The following SHC4 variants were observed in gnomAD, a reference collection of about 807,000 sequenced individuals.
SHC4 encodes the protein SHC-transforming protein 4.
Under a neutral mutation model 69.4 loss-of-function variants are expected in SHC4, and 41 were observed. The ratio of observed to expected loss-of-function variants is 0.59; its 90% CI spans 0.46 to 0.77. The LOEUF (loss-of-function observed/expected upper bound fraction) is 0.77. SHC4 is among the 30% of genes least tolerant of loss of function. The pLI is 0.00. For missense variants in SHC4, 777 were observed against 783.8 expected (o/e 0.99, Z 0.10); for synonymous variants, 318 against 299.3 (o/e 1.06, Z -0.64).
intron 1 of SHC4, among the ~76,000 whole-genome samples, chr15:48,949,441 A>G (rs1901330994): frequency 6.6e-6 from 1 of 151,162 alleles, no homozygotes; most frequent in South Asian, 2.1e-4. Context: ...TTCTTCCACG[A>G]TCTCTCTATC....
At position 48,864,436 on chromosome 15, in the gene SHC4, C is replaced by CTT. The variant is rs35549079; in HGVS notation, c.946+3380_946+3381dup. 1.2e-3 allele frequency among the ~76,000 whole-genome samples: 68 copies of CTT among 55,062 alleles called. 7 individuals are homozygous for CTT. Among genetic ancestry groups the CTT allele is most frequent in the African/African-American group, 2.2e-3 (32 of 14,246 alleles). The allele number at this position is 55,062 out of a possible 152,430, so 36.1% of individuals were successfully genotyped here. Reference sequence around the variant, plus strand: ...TGCTTTCCAATACCAATACCACTTTCTTTTTTTTTTTTTTTTTTTTTTTTT... The same window carrying CTT: ...TGCTTTCCAATACCAATACCACTTTCTTTTTTTTTTTTTTTTTTTTTTTTTTT... On this transcript the variant is annotated intron_variant, in intron 6 of 11. Transcript: ENST00000332408.
intron 1 of SHC4, among the ~76,000 whole-genome samples, chr15:48,932,230 G>T (rs149329615): frequency 6.6e-6 from 1 of 152,182 alleles, no homozygotes; most frequent in African/African-American, 2.4e-5. Flanking sequence ...CATCCTTAAA[G>T]CAGAGCTTCC....
Position 48,962,474 on chromosome 15 carries a change from A to C in SHC4, c.542T>G (p.Phe181Cys). 1 of 1,532,962 alleles carries C rather than the reference A, an allele frequency of 6.5e-7. No individual in the cohort carries two copies. The highest frequency in any genetic ancestry group is 8.8e-7 in the Non-Finnish European group (1 of 1,142,016). 95.0% of individuals were successfully genotyped at this position (1,532,962 alleles called of 1,614,324 possible). ...GCCCATCCCCAACAGGTGCTGTAGA[A>C]AGTGCCTGTCCTGCCTGCTCCTAAG... ...PTLRSRQDRHFLQHLLGMGMN... is the reference protein window; with the variant it reads ...PTLRSRQDRHCLQHLLGMGMN... Residue 181 changes from phenylalanine to cysteine, a missense_variant, in exon 1 of 12, where the codon TTT (phenylalanine) becomes TGT (cysteine). Transcript: ENST00000332408.
Position 48,901,559 on chromosome 15 carries a change from G to A in SHC4, c.657-10748C>T, listed in dbSNP as rs8028131. Among the ~76,000 whole-genome samples, 96 of 152,304 alleles carry A rather than the reference G, an allele frequency of 6.3e-4. 1 individual carries two copies. The highest frequency in any genetic ancestry group is 2.3e-3 in the African/African-American group (95 of 41,566). ...TTAATTATCATCTAACCTTCATTAA[G>A]TGATACTATGTACATGAAACAGTGC... On this transcript the variant is annotated intron_variant, in intron 2 of 11. Coordinates refer to ENST00000332408, the MANE Select transcript of SHC4 (RefSeq NM_203349.4).
chr15:48,824,679 C>T lies in SHC4; in HGVS notation c.*1292G>A, dbSNP rs1316972006. 2 of 152,162 alleles carry T rather than the reference C, an allele frequency of 1.3e-5. No homozygotes were observed. Among genetic ancestry groups the T allele is most frequent in the Non-Finnish European group, 1.5e-5 (1 of 68,004 alleles). The allele number at this position is 152,162 out of a possible 1,614,324, so 9.4% of individuals were successfully genotyped here. The stretch of plus-strand genomic sequence containing the variant: ...ACTGGTTATCAATAACGACCTCTAA[C>T]AAATGAAAAACTTGCTTTTTAGAGA... On this transcript the variant is annotated 3_prime_UTR_variant, in exon 12 of 12. Coordinates refer to ENST00000332408, the MANE Select transcript of SHC4 (RefSeq NM_203349.4).
intron 1 of SHC4, among the ~76,000 whole-genome samples, chr15:48,930,470 A>T (rs1352183657): frequency 6.6e-6 from 1 of 152,164 alleles, no homozygotes; most frequent in Non-Finnish European, 1.5e-5. Flanking sequence ...CAGGCCCTGC[A>T]CTTGGTAAGT....
At chr15:48,831,297 G>A (rs184749266) in intron 11 of SHC4, among the ~76,000 whole-genome samples, 2 of 152,254 alleles carry the variant, frequency 1.3e-5, no homozygotes, top group African/African-American at 4.8e-5. Context: ...AGTGCATAGT[G>A]TTTATAAAGT....
intron 1 of SHC4, chr15:48,946,459 C>G: frequency 2.9e-5 from 15 of 523,874 alleles, no homozygotes; most frequent in Non-Finnish European, 3.7e-5. Context: ...CATCCTTCCT[C>G]TTCCTTCTCC....
intron 11 of SHC4, among the ~76,000 whole-genome samples, chr15:48,828,115 GTATATA>G (rs57462591): frequency 2.4e-3 from 183 of 75,224 alleles, no homozygotes; most frequent in East Asian, 5.7e-3. Context: ...GTGTGTGTGT[GTATATA>G]TATATATATA....
chr15:48,957,545 A>G (rs142005928), intron 1 of SHC4, among the ~76,000 whole-genome samples: 39 of 152,342 alleles, frequency 2.6e-4, no homozygotes, highest in African/African-American at 8.7e-4. Flanking sequence ...GTAAGAGTAT[A>G]CTGTGGGATT....
At chr15:48,949,700 G>A (rs1483785686) in intron 1 of SHC4, among the ~76,000 whole-genome samples, 2 of 150,850 alleles carry the variant, frequency 1.3e-5, no homozygotes, top group South Asian at 2.1e-4. Flanking sequence ...AACTAAAATC[G>A]GTGCCCTCCC....
At chr15:48,907,283 G>C (rs987563115) in intron 2 of SHC4, among the ~76,000 whole-genome samples, 7 of 150,324 alleles carry the variant, frequency 4.7e-5, no homozygotes, top group African/African-American at 1.7e-4. Flanking sequence ...AGAGTGCAGT[G>C]GCGCTAGCTC....
intron 2 of SHC4, among the ~76,000 whole-genome samples, chr15:48,919,961 T>G (rs1487848928): frequency 3.9e-5 from 6 of 151,990 alleles, no homozygotes; most frequent in Non-Finnish European, 8.8e-5. Flanking sequence ...ACAGTTCACC[T>G]TTTACTATTT....
intron 2 of SHC4, among the ~76,000 whole-genome samples, chr15:48,911,559 C>G (rs576865764): frequency 6.6e-6 from 1 of 152,306 alleles, no homozygotes; most frequent in Admixed American, 6.5e-5. Context: ...AGGCCATTTA[C>G]ATTCAATGTT....
chr15:48,828,344 A>G (rs1165086476), intron 11 of SHC4, among the ~76,000 whole-genome samples: 1 of 151,890 alleles, frequency 6.6e-6, no homozygotes, highest in African/African-American at 2.4e-5. Context: ...CCTCTTTTCT[A>G]TGGTTGTTCT....
At chr15:48,852,939 T>TA (rs1166476511) in intron 8 of SHC4, among the ~76,000 whole-genome samples, 2 of 146,252 alleles carry the variant, frequency 1.4e-5, no homozygotes, top group South Asian at 2.1e-4. Flanking sequence ...AATAAATAAA[T>TA]AAATAAAATA....
At chr15:48,881,387 A>C (rs1254261717) in intron 4 of SHC4, among the ~76,000 whole-genome samples, 1 of 151,962 alleles carries the variant, frequency 6.6e-6, no homozygotes, top group Non-Finnish European at 1.5e-5. Context: ...AAAAAAAAAA[A>C]AAACCATCTG....
chr15:48,831,420 C>G (rs929239345), intron 11 of SHC4, among the ~76,000 whole-genome samples: 7 of 152,210 alleles, frequency 4.6e-5, no homozygotes, highest in Non-Finnish European at 2.9e-5. Context: ...AAATGTTCTA[C>G]ATAGGTGTAC....
rs750293456 is a variant in SHC4 at position 48,851,268 on chromosome 15, T to G, written c.1243-20A>C. 3.1e-6 allele frequency: 5 copies of G among 1,613,368 alleles called. No homozygotes were observed. The East Asian group carries it at 8.9e-5, about 29-fold the overall frequency. On this transcript the variant is annotated intron_variant, in intron 8 of 11. Coordinates refer to ENST00000332408, the MANE Select transcript of SHC4 (RefSeq NM_203349.4). ...TCCAGGCTGCATGAACAACAAATTA[T>G]GAAACATTTACAAACATAGTACACA...
Sources: allele counts gnomAD v4.1 joint callset (sites outside exome capture counted in the v4.1 genomes callset), GRCh38; gene constraint gnomAD v4.1.1; transcripts MANE v1.5; gene names NCBI Gene and HGNC (gene_info 2026-07-23, HGNC 2026-07-21).